Variants in FOXP1 observed in about 807,000 individuals in gnomAD.
The protein encoded by FOXP1 is forkhead box protein P1.
Under a neutral mutation model 98.2 loss-of-function variants are expected in FOXP1, and 15 were observed. That is an observed-to-expected ratio of 0.15 (90% CI 0.10 to 0.24). FOXP1 has a LOEUF of 0.24. Among genes scored for constraint, FOXP1 ranks in the 10% least tolerant of loss-of-function variants. FOXP1 has a pLI of 1.00. For synonymous variants in FOXP1, 371 were observed against 314.5 expected, an observed-to-expected ratio of 1.18 and a Z score of -1.90; for missense variants, 633 against 848.5, an observed-to-expected ratio of 0.75 and a Z score of 3.15.
chr3:71,004,614 G>A (rs1164101410), intron 12 of FOXP1, among the ~76,000 whole-genome samples: 1 of 152,070 alleles, frequency 6.6e-6, no homozygotes, highest in African/African-American at 2.4e-5. Flanking sequence ...TTAACGTTGT[G>A]CACATTTTGA....
At chr3:70,961,369 T>G (rs948027509) in intron 20 of FOXP1, among the ~76,000 whole-genome samples, 1 of 152,046 alleles carries the variant, frequency 6.6e-6, no homozygotes, top group African/African-American at 2.4e-5. Flanking sequence ...TAGCTGAGAT[T>G]ACAGGGGCCC....
chr3:71,433,053 T>G (rs1459803577), intron 3 of FOXP1, among the ~76,000 whole-genome samples: 1 of 152,116 alleles, frequency 6.6e-6, no homozygotes, highest in African/African-American at 2.4e-5. Flanking sequence ...AATAGTGACT[T>G]GAGTAACTCA....
At chr3:71,277,261 C>CTT (rs34816352) in intron 5 of FOXP1, among the ~76,000 whole-genome samples, 3 of 133,732 alleles carry the variant, frequency 2.2e-5, no homozygotes, top group Middle Eastern at 3.7e-3. Flanking sequence ...CCTGGCTGAA[C>CTT]TTTTTTTTTT....
intron 3 of FOXP1, among the ~76,000 whole-genome samples, chr3:71,450,456 C>T (rs944634037): frequency 6.6e-6 from 1 of 152,218 alleles, no homozygotes; most frequent in Non-Finnish European, 1.5e-5. Context: ...TTGATCTCAG[C>T]TGTCCGATGC....
At chr3:71,298,514 A>C (rs1455983327) in intron 5 of FOXP1, among the ~76,000 whole-genome samples, 1 of 152,150 alleles carries the variant, frequency 6.6e-6, no homozygotes, top group Non-Finnish European at 1.5e-5. Context: ...ATTGAGCCTC[A>C]GCAAAGGGAA....
At chr3:71,556,660 A>G (rs2046162603) in intron 2 of FOXP1, among the ~76,000 whole-genome samples, 1 of 147,424 alleles carries the variant, frequency 6.8e-6, no homozygotes, top group Non-Finnish European at 1.5e-5. Flanking sequence ...GGAAACTGCC[A>G]TAGTCTTTTT....
At chr3:71,200,844 C>T (rs189461427) in intron 5 of FOXP1, among the ~76,000 whole-genome samples, 3 of 152,312 alleles carry the variant, frequency 2.0e-5, no homozygotes, top group Admixed American at 2.0e-4. Flanking sequence ...CTGTTTTCTA[C>T]AGACTTGCAC....
rs770520410 is a variant in FOXP1 at position 70,966,092 on chromosome 3, G to C, written c.1723-36C>G. 6 of 1,576,862 alleles carry C rather than the reference G, an allele frequency of 3.8e-6. No individual in the cohort carries two copies. The Admixed American group carries it at 1.0e-4, about 26-fold the overall frequency. ...CCAAGAGAAAATTTATGAAGACACA[G>C]GGTATGTAAGACAAGGAAACTACTA... On this transcript the variant is annotated intron_variant, in intron 19 of 20. Coordinates refer to ENST00000649528, the MANE Select transcript of FOXP1 (RefSeq NM_001349338.3).
chr3:71,469,099 T>C (rs1366502065), intron 3 of FOXP1, among the ~76,000 whole-genome samples: 2 of 152,336 alleles, frequency 1.3e-5, no homozygotes, highest in Admixed American at 1.3e-4. Flanking sequence ...GGCACACATT[T>C]AGACTGACTA....
intron 7 of FOXP1, among the ~76,000 whole-genome samples, chr3:71,061,320 G>C (rs2051441012): frequency 6.6e-6 from 1 of 152,144 alleles, no homozygotes; most frequent in African/African-American, 2.4e-5. Context: ...CCCCAAGAGA[G>C]CTACAGCTCA....
In FOXP1 at chr3:71,278,511, G is replaced by A. The variant is rs918606028; in HGVS notation, c.-12+21309C>T. ...ATTAAACAAATTTCTGACCGGGCACGGTGGCTCACACCTGTAATCCCAGCA... is the reference window on the plus strand; with the variant it reads ...ATTAAACAAATTTCTGACCGGGCACAGTGGCTCACACCTGTAATCCCAGCA... On this transcript the variant is annotated intron_variant, in intron 5 of 20. Transcript: ENST00000649528. Among the ~76,000 whole-genome samples, 4 of 152,164 alleles carry A rather than the reference G, an allele frequency of 2.6e-5. No individual in the cohort carries two copies. The South Asian group carries it at 6.2e-4, about 24-fold the overall frequency.
chr3:71,577,384 T>A (rs2047805912), intron 2 of FOXP1, among the ~76,000 whole-genome samples: 1 of 152,026 alleles, frequency 6.6e-6, no homozygotes, highest in South Asian at 2.1e-4. Context: ...CAAATCTGCT[T>A]AATTTCCATT....
intron 18 of FOXP1, 158 bp downstream of exon 18, chr3:70,972,397 T>C (rs2036455931): frequency 2.7e-6 from 3 of 1,122,366 alleles, no homozygotes; most frequent in South Asian, 2.6e-5. Flanking sequence ...CTGGTGGGTA[T>C]ACAAAACAGG....
intron 4 of FOXP1, among the ~76,000 whole-genome samples, chr3:71,310,934 C>G (rs1318062386): frequency 6.6e-6 from 1 of 152,210 alleles, no homozygotes; most frequent in East Asian, 1.9e-4. Flanking sequence ...TGCAGCTGAA[C>G]TGATTCTGTT....
At chr3:71,025,287 C>G (rs528452920) in intron 11 of FOXP1, among the ~76,000 whole-genome samples, 1 of 152,086 alleles carries the variant, frequency 6.6e-6, no homozygotes, top group South Asian at 2.1e-4. Flanking sequence ...TAGTGCTTCT[C>G]GAACTTTATT....
At chr3:71,510,107 G>A (rs180906899) in intron 2 of FOXP1, among the ~76,000 whole-genome samples, 12 of 152,020 alleles carry the variant, frequency 7.9e-5, no homozygotes, top group South Asian at 2.1e-4. Context: ...CTTGAACCCC[G>A]GAGGCGGAGG....
chr3:71,212,622 A>G (rs1165278636), intron 5 of FOXP1, among the ~76,000 whole-genome samples: 1 of 152,184 alleles, frequency 6.6e-6, no homozygotes, highest in African/African-American at 2.4e-5. Context: ...TTTCCACAAT[A>G]CAAGTTCAGA....
chr3:71,347,182 G>T (rs1483361764), intron 4 of FOXP1, among the ~76,000 whole-genome samples: 1 of 152,118 alleles, frequency 6.6e-6, no homozygotes, highest in Non-Finnish European at 1.5e-5. Context: ...TTCCTTATTT[G>T]GTTCTTTCTT....
chr3:71,015,251 A>C (rs1469756900), intron 12 of FOXP1, among the ~76,000 whole-genome samples: 2 of 152,220 alleles, frequency 1.3e-5, no homozygotes, highest in Admixed American at 1.3e-4. Context: ...AACGCTAAAA[A>C]ACTGCAAGTT....
Sources: gnomAD v4.1 joint callset for allele counts (sites outside exome capture counted in the v4.1 genomes callset) on GRCh38, gnomAD v4.1.1 for gene constraint, MANE v1.5 for transcripts, NCBI Gene and HGNC (gene_info 2026-07-23, HGNC 2026-07-21) for gene names.